The following CACNA1B variants were observed in gnomAD, a reference collection of about 807,000 sequenced individuals.
CACNA1B encodes the protein voltage-dependent N-type calcium channel subunit alpha-1B.
CACNA1B carries 70 observed loss-of-function variants against 247.2 expected under a neutral mutation model. That is an observed-to-expected ratio of 0.28 (90% CI 0.23 to 0.35). The LOEUF is 0.35. Among genes scored for constraint, CACNA1B ranks in the 10% least tolerant of loss-of-function variants. The pLI, the probability that CACNA1B is intolerant of heterozygous loss-of-function variation, is 1.00. For synonymous variants in CACNA1B, 1,231 were observed against 1,294.4 expected (o/e 0.95, Z 1.05); for missense variants, 2,367 against 3,197.4 (o/e 0.74, Z 6.26).
intron 3 of CACNA1B, among the ~76,000 whole-genome samples, chr9:137,908,677 C>G (rs1307071044): frequency 6.6e-6 from 1 of 152,032 alleles, no homozygotes; most frequent in Non-Finnish European, 1.5e-5. Flanking sequence ...GTCGCCCAGG[C>G]TTGACTGCAG....
intron 3 of CACNA1B, chr9:137,892,158 C>T: frequency 4.4e-6 from 2 of 456,922 alleles, no homozygotes; most frequent in Non-Finnish European, 8.8e-6. Context: ...GGCTCATTCC[C>T]TTGAACGACT....
chr9:137,889,422 G>A (rs1226268161), intron 3 of CACNA1B, among the ~76,000 whole-genome samples: 2 of 148,320 alleles, frequency 1.3e-5, no homozygotes, highest in Admixed American at 1.4e-4. Flanking sequence ...AACCGGTGGA[G>A]CGGGGGCTGA....
intron 40 of CACNA1B, among the ~76,000 whole-genome samples, chr9:138,112,915 G>T (rs1381607022): frequency 1.4e-5 from 2 of 142,186 alleles, no homozygotes; most frequent in Non-Finnish European, 3.0e-5. Context: ...TGCGGGAGAC[G>T]TGAGGGAGCA....
intron 31 of CACNA1B, chr9:138,068,743 C>A: frequency 2.2e-6 from 1 of 446,584 alleles, no homozygotes; most frequent in Non-Finnish European, 4.5e-6. Flanking sequence ...CTGCTGACTG[C>A]TGAGAGGGCA....
In CACNA1B at chr9:137,905,223, C is replaced by G. The variant is rs1016684954; in HGVS notation, c.531-7957C>G. Among the ~76,000 whole-genome samples, 6 of 151,978 alleles carry G rather than the reference C, an allele frequency of 3.9e-5. No homozygotes were observed. In the East Asian group the frequency reaches 7.7e-4, roughly 20 times the overall value. ...CAAAAATTAGCCAGGTGTGGTGGCACGTGCCTGTAGTCCCAGCTACTTGGG... is the reference window on the plus strand; with the variant it reads ...CAAAAATTAGCCAGGTGTGGTGGCAGGTGCCTGTAGTCCCAGCTACTTGGG... On this transcript the variant is annotated intron_variant, in intron 3 of 46. Transcript: ENST00000371372.
intron 36 of CACNA1B, among the ~76,000 whole-genome samples, chr9:138,092,176 G>C (rs1383863108): frequency 4.6e-5 from 7 of 152,176 alleles, no homozygotes; most frequent in Admixed American, 4.6e-4. Flanking sequence ...ATCTTAACAG[G>C]AAACCTGGTT....
intron 3 of CACNA1B, among the ~76,000 whole-genome samples, chr9:137,910,691 A>C (rs1467895007): frequency 6.6e-6 from 1 of 152,124 alleles, no homozygotes; most frequent in African/African-American, 2.4e-5. Flanking sequence ...TGCAGTTCAC[A>C]GTAGGATTCA....
At chr9:138,071,061 G>A (rs1490048951) in intron 32 of CACNA1B, among the ~76,000 whole-genome samples, 1 of 152,264 alleles carries the variant, frequency 6.6e-6, no homozygotes, top group Admixed American at 6.5e-5. Context: ...TTGGTCCAGA[G>A]TCAGTGGGTC....
rs200894674 is a variant in CACNA1B, at chr9:138,043,826, G to A, written c.3339G>A (p.Ala1113=). The A allele has an allele frequency of 6.6e-5, 107 of 1,613,830 alleles. No homozygotes were observed. Among genetic ancestry groups the A allele is most frequent in the African/African-American group, 9.3e-5 (7 of 74,892 alleles). ...CAGAGGGGAAGAAGGAGGTGGAAGC[G>A]GATGACGTGATGAGGAGCGGCCCCC... ...SQAEGKKEVE[A]DDVMRSGPRP... The change falls in exon 21 of 47, where the codon GCG becomes GCA. Residue 1113 remains alanine (A), a synonymous_variant. Coordinates refer to ENST00000371372, the MANE Select transcript of CACNA1B (RefSeq NM_000718.4).
chr9:138,048,526 G>T (rs573114541), intron 23 of CACNA1B, among the ~76,000 whole-genome samples: 8 of 152,182 alleles, frequency 5.3e-5, no homozygotes, highest in East Asian at 1.9e-4. Context: ...GGCCCTTCGG[G>T]GTGTGACCTG....
chr9:138,006,042 CAA>C (rs11288171), intron 15 of CACNA1B, among the ~76,000 whole-genome samples: 247 of 67,780 alleles, frequency 3.6e-3, no homozygotes, highest in African/African-American at 8.9e-3. Flanking sequence ...GACTCCATGT[CAA>C]AAAAAAAAAA....
intron 3 of CACNA1B, among the ~76,000 whole-genome samples, chr9:137,910,782 C>T (rs890920461): frequency 1.3e-5 from 2 of 152,208 alleles, no homozygotes; most frequent in African/African-American, 4.8e-5. Context: ...CCTGCCGCCA[C>T]CTCCTGCAGA....
In CACNA1B at chr9:137,971,306, C is replaced by T. The variant is rs1030501349; in HGVS notation, c.1334-77C>T. The stretch of plus-strand genomic sequence containing the variant: ...CTGGGGGCAGGTGTCCTCCAGAGTG[C>T]GTCTGTGGGGGTCCACAGGTGGGGT... On this transcript the variant is annotated intron_variant, in intron 10 of 46. Coordinates refer to ENST00000371372, the MANE Select transcript of CACNA1B (RefSeq NM_000718.4). The surrounding 1 kb of genome is among the most constrained non-coding windows in gnomAD (Gnocchi z 4.4). The T allele has an allele frequency of 7.7e-6, 8 of 1,035,654 alleles. No homozygotes were observed. Among genetic ancestry groups the T allele is most frequent in the Admixed American group, 2.0e-5 (1 of 49,330 alleles). 64.2% of individuals were successfully genotyped at this position (1,035,654 alleles called of 1,614,324 possible).
intron 12 of CACNA1B, among the ~76,000 whole-genome samples, chr9:137,983,746 T>G (rs1958320457): frequency 6.6e-6 from 1 of 151,990 alleles, no homozygotes; most frequent in South Asian, 2.1e-4. Context: ...GTCTGAAAGT[T>G]TGCCCAGCTC....
rs1251973902 is a variant in CACNA1B at position 137,957,381 on chromosome 9, G to T, written c.1244-217G>T. On this transcript the variant is annotated intron_variant, in intron 9 of 46. Coordinates refer to ENST00000371372, the MANE Select transcript of CACNA1B (RefSeq NM_000718.4). The surrounding 1 kb of genome is among the most constrained non-coding windows in gnomAD (Gnocchi z 4.7). ...GGCCTCATTTTGGAAGAAAGGGAAA[G>T]CGGGGACCCCTCACCCTCAAAATTC... Among the ~76,000 whole-genome samples the T allele has an allele frequency of 6.6e-6, 1 of 152,214 alleles. No homozygotes were observed. Among genetic ancestry groups the T allele is most frequent in the African/African-American group, 2.4e-5 (1 of 41,448 alleles).
At position 137,899,507 on chromosome 9, in the gene CACNA1B, G is replaced by A. The variant is rs1038138673; in HGVS notation, c.531-13673G>A. ...TGTGTGCTTGGGGTTGGGGTTCCCC[G>A]CATGCCATGCCTAGCTCTTCTTCTC... On this transcript the variant is annotated intron_variant, in intron 3 of 46. Coordinates refer to ENST00000371372, the MANE Select transcript of CACNA1B (RefSeq NM_000718.4). The surrounding 1 kb of genome is among the most constrained non-coding windows in gnomAD (Gnocchi z 5.0). Among the ~76,000 whole-genome samples, 1 of 152,200 alleles carries A rather than the reference G, an allele frequency of 6.6e-6. No individual in the cohort carries two copies.
chr9:138,061,491 G>C (rs1959721078), intron 31 of CACNA1B, among the ~76,000 whole-genome samples: 1 of 152,126 alleles, frequency 6.6e-6, no homozygotes. Flanking sequence ...CTTGAAATAT[G>C]GCACCCCAAC....
intron 20 of CACNA1B, among the ~76,000 whole-genome samples, chr9:138,036,572 A>T (rs1330594826): frequency 6.6e-6 from 1 of 152,128 alleles, no homozygotes; most frequent in Non-Finnish European, 1.5e-5. Context: ...CTTTATTTCA[A>T]CATATTGAGA....
At chr9:138,047,310 A>G (rs1959193242) in intron 22 of CACNA1B, 89 bp from the exon 23 acceptor site, 2 of 979,702 alleles carry the variant, frequency 2.0e-6, no homozygotes, top group Admixed American at 3.8e-5. Flanking sequence ...GACTGCTCAG[A>G]GGCCTGGAGG....
Sources: gnomAD v4.1 joint callset for allele counts (sites outside exome capture counted in the v4.1 genomes callset) on GRCh38, gnomAD v4.1.1 for gene constraint, Gnocchi (gnomAD v3.1) non-coding constraint, MANE v1.5 for transcripts, NCBI Gene and HGNC (gene_info 2026-07-23, HGNC 2026-07-21) for gene names.